ANKRD16: variants seen among roughly 807,000 people sequenced by gnomAD.
The protein encoded by ANKRD16 is ankyrin repeat domain-containing protein 16.
ANKRD16 carries 35 observed loss-of-function variants against 37.9 expected under a neutral mutation model. The ratio of observed to expected loss-of-function variants is 0.92; its 90% CI spans 0.71 to 1.23. ANKRD16 has a LOEUF of 1.23. ANKRD16 is among the 50% of genes most tolerant of loss of function. ANKRD16 has a pLI of 0.00. For synonymous variants in ANKRD16, 206 were observed against 197.2 expected (o/e 1.04, Z -0.37); for missense variants, 480 against 469.9 (o/e 1.02, Z -0.20).
intron 7 of ANKRD16, among the ~76,000 whole-genome samples, chr10:5,877,029 C>G (rs1215428840): frequency 2.0e-5 from 3 of 152,166 alleles, no homozygotes; most frequent in African/African-American, 7.2e-5. Context: ...ATGGGACAGG[C>G]CAGAAAAATG....
At chr10:5,873,943 A>G (rs1319636083) in intron 7 of ANKRD16, among the ~76,000 whole-genome samples, 1 of 150,798 alleles carries the variant, frequency 6.6e-6, no homozygotes, top group Non-Finnish European at 1.5e-5. Flanking sequence ...GCCAGGCTGG[A>G]GTGCAGTGGT....
intron 5 of ANKRD16, among the ~76,000 whole-genome samples, chr10:5,882,281 C>T (rs991596712): frequency 6.6e-6 from 1 of 151,890 alleles, no homozygotes; most frequent in Non-Finnish European, 1.5e-5. Flanking sequence ...TGGTGGCTCA[C>T]GCCTGTAATC....
At chr10:5,879,311 T>C (rs1300240968) in intron 6 of ANKRD16, among the ~76,000 whole-genome samples, 1 of 152,022 alleles carries the variant, frequency 6.6e-6, no homozygotes, top group Admixed American at 6.6e-5. Context: ...CTGTCTCTAC[T>C]AAAAATACAA....
rs778114977 is a variant in ANKRD16, at chr10:5,868,211, C to T, written c.*34-5520G>A. ...GCTACAGATGGTCTTACAAATGGAA[C>T]CCCAAATGAGCTCAACTAACTTCTA... On this transcript the variant is annotated intron_variant, in intron 7 of 7. Coordinates refer to ENST00000380094, the MANE Select transcript of ANKRD16 (RefSeq NM_019046.3). The surrounding 1 kb of genome is among the most constrained non-coding windows in gnomAD (Gnocchi z 4.9). Among the ~76,000 whole-genome samples the T allele has an allele frequency of 2.0e-5, 3 of 152,168 alleles. No individual in the cohort carries two copies. In the South Asian group the frequency reaches 6.2e-4, roughly 32 times the overall value.
In ANKRD16 at chr10:5,887,971, G is replaced by C; in HGVS notation, c.411C>G (p.Gly137=). 6.2e-7 allele frequency: 1 copy of C among 1,614,220 alleles called. No homozygotes were observed. Among genetic ancestry groups the C allele is most frequent in the Non-Finnish European group, 8.5e-7 (1 of 1,180,028 alleles). ...GANPLLKNKD[G]WNSFHIASRE... The stretch of plus-strand genomic sequence containing the variant: ...GACTGGCAATGTGGAAACTGTTCCA[G>C]CCATCTTTGTTCTTCAGGAGTGGAT... The change falls in exon 2 of 8, where the codon GGC becomes GGG. Residue 137 remains glycine (G), a synonymous_variant. Transcript: ENST00000380094.
intron 5 of ANKRD16, 89 bp downstream of exon 5, chr10:5,882,917 G>A (rs898173836): frequency 1.7e-5 from 24 of 1,419,998 alleles, no homozygotes; most frequent in Admixed American, 2.0e-5. Flanking sequence ...ATAGAGATGG[G>A]GTCAAAGAAA....
rs71388491 is a variant in ANKRD16 at position 5,871,386 on chromosome 10, C to CAAAT, written c.*33+6707_*33+6710dup. 0.058 allele frequency among the ~76,000 whole-genome samples: 8,517 copies of CAAAT among 147,796 alleles called. 458 individuals are homozygous for CAAAT. The highest frequency in any genetic ancestry group is 0.14 in the African/African-American group (5,437 of 39,816). ...TGGGCGACAGAGCTAGACTCCAACT[C>CAAAT]AAATAAATAAATAAATAAATAAATA... On this transcript the variant is annotated intron_variant, in intron 7 of 7. Transcript: ENST00000380094. This position sits in a 1 kb window ranked among gnomAD's most constrained non-coding sequence, Gnocchi z 4.5.
Position 5,887,908 on chromosome 10 carries a change from A to G in ANKRD16, c.474T>C (p.Thr158=). The G allele has an allele frequency of 6.2e-7, 1 of 1,614,232 alleles. No homozygotes were observed. The highest frequency in any genetic ancestry group is 8.5e-7 in the Non-Finnish European group (1 of 1,180,034). The change falls in exon 2 of 8, where the codon ACT becomes ACC. Residue 158 remains threonine (T), a synonymous_variant. Transcript: ENST00000380094. ...GDPLILQYLL[T]VCPGAWKTES... ...CTGTCTTCCAGGCACCTGGGCAAAC[A>G]GTGAGCAGGTACTGGAGGATCAGAG...
At chr10:5,873,847 TTTTCAGGTCATTACAA>T (rs1226103037) in intron 7 of ANKRD16, among the ~76,000 whole-genome samples, 2 of 152,142 alleles carry the variant, frequency 1.3e-5, no homozygotes, top group African/African-American at 4.8e-5. Flanking sequence ...GTCCTCGCTA[TTTTCAGGTCATTACAA>T]TTTTTACCTC....
At chr10:5,885,164 A>G (rs943071842) in intron 3 of ANKRD16, among the ~76,000 whole-genome samples, 2 of 152,064 alleles carry the variant, frequency 1.3e-5, no homozygotes, top group African/African-American at 4.8e-5. Context: ...TGCACCTGGT[A>G]CAGGGCTTTA....
At position 5,866,204 on chromosome 10, in the gene ANKRD16, G is replaced by A. The variant is rs182760637; in HGVS notation, c.*34-3513C>T. Reference sequence around the variant, plus strand: ...CAGTGCTTCAAATACATACGTGTGCGGCCCTCAACCCTGCCACTTTTCTCC... The same window carrying A: ...CAGTGCTTCAAATACATACGTGTGCAGCCCTCAACCCTGCCACTTTTCTCC... On this transcript the variant is annotated intron_variant, in intron 7 of 7. Transcript: ENST00000380094. The surrounding 1 kb of genome is among the most constrained non-coding windows in gnomAD (Gnocchi z 4.3). Among the ~76,000 whole-genome samples the A allele has an allele frequency of 8.9e-3, 1,349 of 152,200 alleles. 21 individuals carry two copies. The highest frequency in any genetic ancestry group is 0.031 in the African/African-American group (1,279 of 41,520).
intron 5 of ANKRD16, among the ~76,000 whole-genome samples, chr10:5,882,017 C>T (rs792343): frequency 0.83 from 125,985 of 151,162 alleles, 52,756 homozygotes; most frequent in Admixed American, 0.88. Flanking sequence ...GTGATCCGCC[C>T]GCCTTGGCCT....
At position 5,861,767 on chromosome 10, in the gene ANKRD16, C is replaced by G. The variant is rs1249532611; in HGVS notation, c.*958G>C. On this transcript the variant is annotated 3_prime_UTR_variant, in exon 8 of 8. Transcript: ENST00000380094. ...AAATGTCTTTTTTTTTTTTGGTTAT[C>G]AGATAACCCTTTGTGAAAATATTTT... 1 of 150,272 alleles carries G rather than the reference C, an allele frequency of 6.7e-6. No individual in the cohort carries two copies. Among genetic ancestry groups the G allele is most frequent in the Non-Finnish European group, 1.5e-5 (1 of 67,804 alleles). The allele number at this position is 150,272 out of a possible 1,614,324, so 9.3% of individuals were successfully genotyped here. A position where few individuals can be genotyped will look rare whatever the true frequency, so the allele number is the denominator to read the frequency against.
rs1386039175 is a variant in ANKRD16 at position 5,862,426 on chromosome 10, T to C, written c.*299A>G. The C allele has an allele frequency of 4.6e-6, 2 of 434,108 alleles. No individual in the cohort carries two copies. Among genetic ancestry groups the C allele is most frequent in the Non-Finnish European group, 8.8e-6 (2 of 227,382 alleles). 26.9% of individuals were successfully genotyped at this position (434,108 alleles called of 1,614,324 possible). A position where few individuals can be genotyped will look rare whatever the true frequency, so the allele number is the denominator to read the frequency against. ...GTCTGCTGTGGCTGGTCAGTTTCAC[T>C]ATCATCCTCAGACTCTTCCAGTCAA... is the stretch of plus-strand genomic sequence containing the variant. On this transcript the variant is annotated 3_prime_UTR_variant, in exon 8 of 8. Transcript: ENST00000380094. This position sits in a 1 kb window ranked among gnomAD's most constrained non-coding sequence, Gnocchi z 6.5.
rs1399823089 is a variant in ANKRD16 at position 5,868,657 on chromosome 10, G to A, written c.*34-5966C>T. Among the ~76,000 whole-genome samples, 2 of 152,118 alleles carry A rather than the reference G, an allele frequency of 1.3e-5. No homozygotes were observed. Among genetic ancestry groups the A allele is most frequent in the African/African-American group, 4.8e-5 (2 of 41,432 alleles). On this transcript the variant is annotated intron_variant, in intron 7 of 7. Transcript: ENST00000380094. The surrounding 1 kb of genome is among the most constrained non-coding windows in gnomAD (Gnocchi z 4.9). ...CCCAGCCAGCAGCGGCAACCCACTCGGGTCCCCTTCCACGCTGTGGAAGCT... is the reference window on the plus strand; with the variant it reads ...CCCAGCCAGCAGCGGCAACCCACTCAGGTCCCCTTCCACGCTGTGGAAGCT...
In ANKRD16 at chr10:5,861,722, G is replaced by A. The variant is rs1020218155; in HGVS notation, c.*1003C>T. On this transcript the variant is annotated 3_prime_UTR_variant, in exon 8 of 8. Coordinates refer to ENST00000380094, the MANE Select transcript of ANKRD16 (RefSeq NM_019046.3). ...TTATTATTTACTACACATCAGACAC[G>A]GTGTTAAGTGGCTTAGATGAAATGT... 2 of 151,806 alleles carry A rather than the reference G, an allele frequency of 1.3e-5. No homozygotes were observed. Among genetic ancestry groups the A allele is most frequent in the African/African-American group, 4.8e-5 (2 of 41,256 alleles). The allele number at this position is 151,806 out of a possible 1,614,324, so 9.4% of individuals were successfully genotyped here.
At chr10:5,872,702 G>A (rs532574520) in intron 7 of ANKRD16, among the ~76,000 whole-genome samples, 87 of 150,388 alleles carry the variant, frequency 5.8e-4, no homozygotes, top group Non-Finnish European at 9.2e-4. Context: ...GACTACAGGC[G>A]CCCGCCACCA....
chr10:5,888,957 T>A, intron 1 of ANKRD16, 84 bp downstream of exon 1: 28 of 1,379,644 alleles, frequency 2.0e-5, no homozygotes, highest in Non-Finnish European at 2.7e-5. Flanking sequence ...AGCTACGGTG[T>A]CCAAGGGGAC....
rs1360481429 is a variant in ANKRD16 at position 5,866,477 on chromosome 10, ACC to A, written c.*34-3788_*34-3787del. ...CCAGTTAGCAGAACTAGTGGCACTTACCCGAGCCTTAGAACTGGGAAAGGAAA... is the reference window on the plus strand; with the variant it reads ...CCAGTTAGCAGAACTAGTGGCACTTACGAGCCTTAGAACTGGGAAAGGAAA... On this transcript the variant is annotated intron_variant, in intron 7 of 7. Coordinates refer to ENST00000380094, the MANE Select transcript of ANKRD16 (RefSeq NM_019046.3). This position sits in a 1 kb window ranked among gnomAD's most constrained non-coding sequence, Gnocchi z 4.3. 6.6e-6 allele frequency among the ~76,000 whole-genome samples: 1 copy of A among 152,236 alleles called. No individual in the cohort carries two copies. Among genetic ancestry groups the A allele is most frequent in the African/African-American group, 2.4e-5 (1 of 41,458 alleles).
Sources: allele counts gnomAD v4.1 joint callset (sites outside exome capture counted in the v4.1 genomes callset), GRCh38; gene constraint gnomAD v4.1.1; non-coding constraint Gnocchi (gnomAD v3.1); transcripts MANE v1.5; gene names NCBI Gene and HGNC (gene_info 2026-07-23, HGNC 2026-07-21).